Variants in FMO2 observed in about 807,000 individuals in gnomAD.
FMO2 encodes the protein flavin containing dimethylaniline monoxygenase 2.
A neutral mutation model predicts 41.6 loss-of-function variants in FMO2; 33 were observed. The observed-to-expected ratio is 0.79, with a 90% CI of 0.60 to 1.06. The LOEUF is 1.06. FMO2 is among the 50% of genes least tolerant of loss of function. The pLI is 0.00. For missense variants in FMO2, 619 were observed against 632.9 expected (o/e 0.98, Z 0.23); for synonymous variants, 214 against 219.6 (o/e 0.97, Z 0.23).
At chr1:171,203,352 CACACACA>C (rs1411213445) in intron 5 of FMO2, among the ~76,000 whole-genome samples, 1 of 145,496 alleles carries the variant, frequency 6.9e-6, no homozygotes, top group Non-Finnish European at 1.5e-5. Context: ...CACACACACA[CACACACA>C]AAATAAAGTC....
intron 2 of FMO2, among the ~76,000 whole-genome samples, chr1:171,189,657 TTC>T (rs1491346493): frequency 0.069 from 8,889 of 129,058 alleles, 591 homozygotes; most frequent in South Asian, 0.13. Flanking sequence ...CTTTTTTCTT[TTC>T]TTTTTTTTTT....
At position 171,209,233 on chromosome 1, in the gene FMO2, A is replaced by T. The variant is rs1658884356; in HGVS notation, c.*88A>T. On this transcript the variant is annotated 3_prime_UTR_variant, in exon 9 of 9. Transcript: ENST00000209929. The stretch of plus-strand genomic sequence containing the variant: ...GGCTAGAAGAAAAAACATTACATTC[A>T]TGTTCTAATTATAGATTTTAGAGTT... 1 of 415,424 alleles carries T rather than the reference A, an allele frequency of 2.4e-6. No homozygotes were observed. Among genetic ancestry groups the T allele is most frequent in the Admixed American group, 4.1e-5 (1 of 24,290 alleles). The allele number at this position is 415,424 out of a possible 1,614,324, so 25.7% of individuals were successfully genotyped here. A position where few individuals can be genotyped will look rare whatever the true frequency, so the allele number is the denominator to read the frequency against.
chr1:171,203,798 T>G (rs892606771), intron 5 of FMO2, 67 bp from the exon 6 acceptor site: 37 of 1,378,636 alleles, frequency 2.7e-5, no homozygotes, highest in Non-Finnish European at 3.3e-5. Flanking sequence ...ATACATGACC[T>G]TCATAGTAGA....
intron 3 of FMO2, among the ~76,000 whole-genome samples, chr1:171,194,402 G>A (rs761551449): frequency 3.9e-5 from 6 of 152,170 alleles, no homozygotes; most frequent in Admixed American, 1.3e-4. Context: ...TAAGCATGCT[G>A]AATTTTTATC....
At position 171,200,320 on chromosome 1, in the gene FMO2, G is replaced by A. The variant is rs1236116067; in HGVS notation, c.627+832G>A. 2.0e-5 allele frequency among the ~76,000 whole-genome samples: 3 copies of A among 152,128 alleles called. No homozygotes were observed. The East Asian group carries it at 5.8e-4, about 29-fold the overall frequency. On this transcript the variant is annotated intron_variant, in intron 5 of 8. Coordinates refer to ENST00000209929, the MANE Select transcript of FMO2 (RefSeq NM_001460.5). ...CACGATGATGCTGCTGATAGTGGTG[G>A]TCAGGAATAGCAAAAACTAAACTCC...
At chr1:171,199,172 TACAGGCCCCACC>T in intron 4 of FMO2, 162 bp from the exon 5 acceptor site, 1 of 520,300 alleles carries the variant, frequency 1.9e-6, no homozygotes. Context: ...GGGCTGGGAT[TACAGGCCCCACC>T]TGGTCTGGTA....
At chr1:171,206,929 G>A (rs1449073790) in intron 7 of FMO2, among the ~76,000 whole-genome samples, 1 of 152,192 alleles carries the variant, frequency 6.6e-6, no homozygotes, top group Non-Finnish European at 1.5e-5. Flanking sequence ...TTGGTTCAAT[G>A]TGGGAAAGTC....
At chr1:171,207,402 T>C (rs1658804845) in intron 7 of FMO2, 3 of 242,876 alleles carry the variant, frequency 1.2e-5, no homozygotes, top group East Asian at 1.6e-4. Flanking sequence ...TTCCACTGAT[T>C]TGATTTGGGG....
chr1:171,196,507 C>G lies in FMO2; in HGVS notation c.322-142C>G, dbSNP rs181332413. 172 of 606,124 alleles carry G rather than the reference C, an allele frequency of 2.8e-4. No homozygotes were observed. The African/African-American group carries it at 2.9e-3, about 10-fold the overall frequency. The allele number at this position is 606,124 out of a possible 1,614,324, so 37.5% of individuals were successfully genotyped here. On this transcript the variant is annotated intron_variant, in intron 3 of 8. Transcript: ENST00000209929. ...TTGCTTTTCTTTTCTCTCTCAAGTC[C>G]TTATTCAGTATTCAACACCCTTAAC...
chr1:171,205,611 G>A lies in FMO2; in HGVS notation c.1160G>A (p.Arg387His), dbSNP rs187393653. 5.6e-5 allele frequency: 90 copies of A among 1,609,830 alleles called. No individual in the cohort carries two copies. Among genetic ancestry groups the A allele is most frequent in the South Asian group, 1.4e-4 (13 of 90,366 alleles). The change falls in exon 7 of 9, where the codon CGT (arginine) becomes CAT (histidine). Residue 387 changes from arginine (R) to histidine (H), a missense_variant. Physicochemically the swap from Arg to His is conservative, Grantham distance 29. Transcript: ENST00000209929. ...TTCCCAACTGCTGAACTTCAAGCTC[G>A]TTGGGTGACAAGAGTTTTCAAAGGT... The part of the protein sequence containing the change: ...SIFPTAELQA[R>H]WVTRVFKGLC...
rs192232063 is a variant in FMO2, at chr1:171,206,333, C to T, written c.1183+699C>T. Among the ~76,000 whole-genome samples, 232 of 152,166 alleles carry T rather than the reference C, an allele frequency of 1.5e-3. 1 individual carries two copies. The highest frequency in any genetic ancestry group is 5.5e-3 in the African/African-American group (229 of 41,512). On this transcript the variant is annotated intron_variant, in intron 7 of 8. Transcript: ENST00000209929. The stretch of plus-strand genomic sequence containing the variant: ...GGGAAGGGCACATGATAAAGGAAAA[C>T]GTCCTGGATAACTGCATTTCTCAGG...
chr1:171,199,904 T>C (rs536903174), intron 5 of FMO2, among the ~76,000 whole-genome samples: 9 of 152,046 alleles, frequency 5.9e-5, no homozygotes, highest in Admixed American at 2.6e-4. Flanking sequence ...TTTGTAGAGA[T>C]GAGGGTCTTG....
intron 6 of FMO2, 31 bp downstream of exon 6, chr1:171,204,095 C>T (rs369147726): frequency 3.2e-6 from 5 of 1,550,694 alleles, no homozygotes; most frequent in Non-Finnish European, 4.5e-6. Flanking sequence ...TAATGGTATA[C>T]TCGTTGGTGA....
At chr1:171,207,602 G>A (rs1347668298) in intron 7 of FMO2, 116 bp from the exon 8 acceptor site, 9 of 748,568 alleles carry the variant, frequency 1.2e-5, no homozygotes, top group Non-Finnish European at 2.1e-5. Flanking sequence ...CAGCACGGAA[G>A]CCCTGACTGG....
In FMO2 at chr1:171,207,790, TGTA is replaced by T. The variant is rs1291645093; in HGVS notation, c.1256+1_1256+3del. Reference sequence around the variant, plus strand: ...AAAAGGAATGAAAAAAGAATTGACCTGTAAGAATTTTTTTTAATTCTTTACATG... The same window carrying T: ...AAAAGGAATGAAAAAAGAATTGACCTAGAATTTTTTTTAATTCTTTACATG... On this transcript the variant is annotated splice_donor_variant and splice_donor_region_variant and intron_variant, in intron 8 of 8. Coordinates refer to ENST00000209929, the MANE Select transcript of FMO2 (RefSeq NM_001460.5). LOFTEE classifies it high-confidence loss of function. 3.2e-6 allele frequency: 5 copies of T among 1,581,618 alleles called. No homozygotes were observed. The African/African-American group carries it at 4.1e-5, about 13-fold the overall frequency.
chr1:171,187,248 G>T (rs952624511), intron 2 of FMO2, among the ~76,000 whole-genome samples: 1 of 152,140 alleles, frequency 6.6e-6, no homozygotes, highest in African/African-American at 2.4e-5. Context: ...ATGTAATCAG[G>T]TATCCCTGAG....
intron 2 of FMO2, among the ~76,000 whole-genome samples, chr1:171,186,951 G>C (rs1272547739): frequency 6.6e-6 from 1 of 152,180 alleles, no homozygotes; most frequent in Non-Finnish European, 1.5e-5. Context: ...AAGATTAAGG[G>C]AGATAATTCA....
intron 7 of FMO2, 191 bp from the exon 8 acceptor site, chr1:171,207,527 G>C: frequency 1.9e-6 from 1 of 515,898 alleles, no homozygotes; most frequent in Non-Finnish European, 3.5e-6. Context: ...AGTCCATGCC[G>C]TAGACTGTGC....
intron 1 of FMO2, 84 bp from the exon 2 acceptor site, chr1:171,185,624 A>G (rs1032776321): frequency 4.3e-6 from 6 of 1,382,304 alleles, no homozygotes; most frequent in African/African-American, 2.9e-5. Context: ...TACAATGTTT[A>G]AAGCCAATTA....
Sources: gnomAD v4.1 joint callset for allele counts (sites outside exome capture counted in the v4.1 genomes callset) on GRCh38, gnomAD v4.1.1 for gene constraint, MANE v1.5 for transcripts, NCBI Gene and HGNC (gene_info 2026-07-23, HGNC 2026-07-21) for gene names.